The following TRAPPC9 variants were observed in gnomAD, a reference collection of about 807,000 sequenced individuals.
TRAPPC9 encodes trafficking protein particle complex subunit 9.
TRAPPC9 carries 83 observed loss-of-function variants against 124.0 expected under a neutral mutation model. That is an observed-to-expected ratio of 0.67 (90% confidence interval 0.56 to 0.80). TRAPPC9 has a LOEUF of 0.80. TRAPPC9 is among the 30% of genes least tolerant of loss of function. The probability of loss-of-function intolerance (pLI) is 0.00; values close to 1 mark genes in which losing one functional copy is unlikely to be tolerated. For missense variants in TRAPPC9, 1,302 were observed against 1,508.3 expected (o/e 0.86, Z 2.27); for synonymous variants, 638 against 617.5 (o/e 1.03, Z -0.49).
intron 21 of TRAPPC9, among the ~76,000 whole-genome samples, chr8:139,785,182 T>A (rs1822138727): frequency 1.3e-5 from 2 of 152,186 alleles, no homozygotes; most frequent in Non-Finnish European, 2.9e-5. Flanking sequence ...AAGAAAAGAC[T>A]GTCTTTTCAA....
intron 21 of TRAPPC9, among the ~76,000 whole-genome samples, chr8:139,733,018 C>T (rs1164415061): frequency 6.6e-6 from 1 of 151,668 alleles, no homozygotes; most frequent in African/African-American, 2.4e-5. Context: ...TGTGCCCTCT[C>T]TCAGGGAAGC....
intron 17 of TRAPPC9, among the ~76,000 whole-genome samples, chr8:140,174,709 T>C (rs2062028030): frequency 6.6e-6 from 1 of 152,174 alleles, no homozygotes. Context: ...CTTAACGATG[T>C]TTTCAAGGTG....
intron 5 of TRAPPC9, among the ~76,000 whole-genome samples, chr8:140,418,819 C>T (rs1330008683): frequency 1.3e-5 from 2 of 152,118 alleles, no homozygotes; most frequent in Non-Finnish European, 2.9e-5. Flanking sequence ...AATATTAGCA[C>T]ACTGAATCCA....
chr8:140,452,136 A>G (rs1344896025), intron 1 of TRAPPC9, among the ~76,000 whole-genome samples: 1 of 150,246 alleles, frequency 6.7e-6, no homozygotes, highest in African/African-American at 2.4e-5. Context: ...AAAAAAAAAA[A>G]GAGGCGGGGC....
At chr8:140,031,845 T>C (rs1293460363) in intron 17 of TRAPPC9, among the ~76,000 whole-genome samples, 1 of 152,140 alleles carries the variant, frequency 6.6e-6, no homozygotes, top group Non-Finnish European at 1.5e-5. Flanking sequence ...AGGAGTCCCG[T>C]GGTGGCTGAG....
chr8:139,947,894 G>GTGTGTGTATA (rs1554678277), intron 19 of TRAPPC9, among the ~76,000 whole-genome samples: 1 of 65,842 alleles, frequency 1.5e-5, no homozygotes, highest in African/African-American at 5.8e-5. Context: ...AAATATGTGT[G>GTGTGTGTATA]TATATATATA....
chr8:140,039,971 G>A, intron 17 of TRAPPC9: 1 of 152,374 alleles, frequency 6.6e-6, no homozygotes, highest in Non-Finnish European at 1.5e-5. Flanking sequence ...TTGTGATCAA[G>A]GGAAAACCCA....
intron 10 of TRAPPC9, among the ~76,000 whole-genome samples, chr8:140,309,724 T>A (rs2066240158): frequency 6.6e-6 from 1 of 152,196 alleles, no homozygotes; most frequent in Non-Finnish European, 1.5e-5. Context: ...CGGCTCTAAG[T>A]CTTAGTCATA....
chr8:140,114,468 G>A lies in TRAPPC9; in HGVS notation c.2557-90389C>T, dbSNP rs370190615. 2.4e-4 allele frequency among the ~76,000 whole-genome samples: 36 copies of A among 152,182 alleles called. No homozygotes were observed. The East Asian group carries it at 6.2e-3, about 26-fold the overall frequency. On this transcript the variant is annotated intron_variant, in intron 17 of 22. Coordinates refer to ENST00000438773, the MANE Select transcript of TRAPPC9 (RefSeq NM_001160372.4). ...ATATCATAATGTCATTAATTTGACT[G>A]TTCTCTTCGACAAAAATTTGAATTA...
At position 140,149,654 on chromosome 8, in the gene TRAPPC9, G is replaced by A. The variant is rs574920063; in HGVS notation, c.2556+71805C>T. ...AAAAAAAAAGAATATTATTCCCTGC[G>A]ATTAGTGACGGCTTCAATTCCTCAT... On this transcript the variant is annotated intron_variant, in intron 17 of 22. Transcript: ENST00000438773. Among the ~76,000 whole-genome samples the A allele has an allele frequency of 2.5e-4, 38 of 152,002 alleles. 2 individuals carry two copies. The South Asian group carries it at 7.3e-3, about 29-fold the overall frequency.
At chr8:140,187,174 G>T (rs756628113) in intron 17 of TRAPPC9, among the ~76,000 whole-genome samples, 6 of 152,200 alleles carry the variant, frequency 3.9e-5, no homozygotes, top group African/African-American at 7.2e-5. Context: ...TCAGCCAGAC[G>T]TGGGTGGAAA....
intron 20 of TRAPPC9, among the ~76,000 whole-genome samples, chr8:139,898,653 G>A (rs939843691): frequency 3.9e-4 from 59 of 152,116 alleles, no homozygotes; most frequent in Admixed American, 3.7e-3. Flanking sequence ...AGCCACATTC[G>A]AGCTTCATAC....
chr8:140,454,977 T>C (rs2071601613), intron 1 of TRAPPC9, among the ~76,000 whole-genome samples: 1 of 151,178 alleles, frequency 6.6e-6, no homozygotes, highest in Non-Finnish European at 1.5e-5. Context: ...GAGCCAGTTC[T>C]GGTATCTGAG....
At chr8:140,201,048 C>T (rs1325889237) in intron 17 of TRAPPC9, among the ~76,000 whole-genome samples, 1 of 152,170 alleles carries the variant, frequency 6.6e-6, no homozygotes, top group Non-Finnish European at 1.5e-5. Context: ...ATGTCACCAC[C>T]GTGCTATTCT....
intron 11 of TRAPPC9, among the ~76,000 whole-genome samples, chr8:140,300,136 G>A (rs1005333083): frequency 3.9e-5 from 6 of 152,192 alleles, no homozygotes; most frequent in African/African-American, 1.4e-4. Context: ...GCCAAAAGCA[G>A]CAAATCAAAT....
intron 20 of TRAPPC9, among the ~76,000 whole-genome samples, chr8:139,899,836 C>T (rs1830909063): frequency 6.6e-6 from 1 of 152,148 alleles, no homozygotes; most frequent in African/African-American, 2.4e-5. Flanking sequence ...AAAGGCCTCA[C>T]CAAGGGCTGA....
chr8:139,798,079 G>T (rs1823227193), intron 21 of TRAPPC9, among the ~76,000 whole-genome samples: 1 of 152,214 alleles, frequency 6.6e-6, no homozygotes, highest in Non-Finnish European at 1.5e-5. Context: ...TGAATCTGTG[G>T]ATCAATTTGA....
At chr8:140,191,880 C>T (rs554700225) in intron 17 of TRAPPC9, among the ~76,000 whole-genome samples, 29 of 152,214 alleles carry the variant, frequency 1.9e-4, no homozygotes, top group African/African-American at 6.7e-4. Context: ...AGTCTGTAAC[C>T]CTGAGTTTAA....
At chr8:140,293,907 G>A (rs1588109271) in intron 11 of TRAPPC9, among the ~76,000 whole-genome samples, 1 of 151,868 alleles carries the variant, frequency 6.6e-6, no homozygotes, top group African/African-American at 2.4e-5. Context: ...AATTAATACA[G>A]TGCCCACCAG....
Sources: allele counts gnomAD v4.1 joint callset (sites outside exome capture counted in the v4.1 genomes callset), GRCh38; gene constraint gnomAD v4.1.1; transcripts MANE v1.5; gene names NCBI Gene and HGNC (gene_info 2026-07-23, HGNC 2026-07-21).